TMEM132C: variants seen among roughly 807,000 people sequenced by gnomAD.
TMEM132C encodes transmembrane protein 132C, also known as protein phosphatase 1, regulatory subunit 152.
Under a neutral mutation model 61.4 loss-of-function variants are expected in TMEM132C, and 29 were observed. That is an observed-to-expected ratio of 0.47 (90% CI 0.35 to 0.64). The LOEUF (loss-of-function observed/expected upper bound fraction) is 0.64. Ranked by LOEUF, TMEM132C falls within the 30% of genes least tolerant of loss-of-function variation. The pLI is 0.00. For synonymous variants in TMEM132C, 656 were observed against 633.1 expected (o/e 1.04, Z -0.54); for missense variants, 1,408 against 1,476.9 (o/e 0.95, Z 0.76).
chr12:128,305,090 C>T (rs954390497), intron 1 of TMEM132C, among the ~76,000 whole-genome samples: 4 of 151,840 alleles, frequency 2.6e-5, no homozygotes, highest in East Asian at 3.9e-4. Context: ...AAAAGCGTTG[C>T]GTATTAGGCT....
At chr12:128,604,614 T>TA (rs563959042) in intron 3 of TMEM132C, among the ~76,000 whole-genome samples, 2 of 151,240 alleles carry the variant, frequency 1.3e-5, no homozygotes, top group Non-Finnish European at 2.9e-5. Flanking sequence ...GCTAGATAGA[T>TA]AAAAAATGGA....
At chr12:128,621,577 C>T (rs748565193) in intron 4 of TMEM132C, among the ~76,000 whole-genome samples, 11 of 152,198 alleles carry the variant, frequency 7.2e-5, no homozygotes, top group South Asian at 2.1e-4. Flanking sequence ...ACCTTGATTT[C>T]GGACTTTCAG....
At chr12:128,487,253 C>T (rs1007877380) in intron 2 of TMEM132C, among the ~76,000 whole-genome samples, 2 of 152,202 alleles carry the variant, frequency 1.3e-5, no homozygotes, top group Non-Finnish European at 2.9e-5. Context: ...CACCCATCCT[C>T]CTTGTTCTAA....
chr12:128,507,011 C>T (rs1412833268), intron 2 of TMEM132C, among the ~76,000 whole-genome samples: 1 of 152,104 alleles, frequency 6.6e-6, no homozygotes, highest in Non-Finnish European at 1.5e-5. Context: ...GAAAAGGAAG[C>T]CCACAGAGAG....
intron 1 of TMEM132C, among the ~76,000 whole-genome samples, chr12:128,318,976 C>T (rs117105900): frequency 6.6e-6 from 1 of 152,336 alleles, no homozygotes; most frequent in East Asian, 1.9e-4. Flanking sequence ...TCCCCTAGAG[C>T]TTACGCATCT....
chr12:128,464,786 GAGAA>G (rs1183755987), intron 2 of TMEM132C, among the ~76,000 whole-genome samples: 2 of 119,748 alleles, frequency 1.7e-5, no homozygotes, highest in African/African-American at 7.1e-5. Flanking sequence ...GAAAGAAAGA[GAGAA>G]AGAGAGGGAG....
intron 1 of TMEM132C, among the ~76,000 whole-genome samples, chr12:128,269,387 AT>A (rs1870434518): frequency 1.7e-5 from 1 of 58,696 alleles, no homozygotes; most frequent in Non-Finnish European, 3.1e-5. Context: ...TATCCAGAGG[AT>A]TTTACTTTTG....
Position 128,326,697 on chromosome 12 carries a change from G to A in TMEM132C, c.85+59210G>A, listed in dbSNP as rs147071018. ...AAGCAGGATCTCTATTAGCCTTTGT[G>A]CCCCTAAGACGGAGCAGGCTGGAAG... On this transcript the variant is annotated intron_variant, in intron 1 of 8. Transcript: ENST00000435159. The surrounding 1 kb of genome is among the most constrained non-coding windows in gnomAD (Gnocchi z 5.6). 1.3e-3 allele frequency among the ~76,000 whole-genome samples: 192 copies of A among 152,304 alleles called. 1 individual carries two copies. The highest frequency in any genetic ancestry group is 1.9e-3 in the Non-Finnish European group (130 of 68,026).
chr12:128,304,296 G>A (rs1041015077), intron 1 of TMEM132C, among the ~76,000 whole-genome samples: 1 of 152,098 alleles, frequency 6.6e-6, no homozygotes, highest in Non-Finnish European at 1.5e-5. Context: ...ATGTGTGTGT[G>A]CGTGTAAGTG....
chr12:128,461,936 C>G (rs1266582669), intron 2 of TMEM132C, among the ~76,000 whole-genome samples: 5 of 152,194 alleles, frequency 3.3e-5, no homozygotes, highest in Non-Finnish European at 5.9e-5. Flanking sequence ...ACACCTCATT[C>G]TAACCGCAAA....
chr12:128,367,052 A>G (rs577864583), intron 1 of TMEM132C, among the ~76,000 whole-genome samples: 6 of 152,338 alleles, frequency 3.9e-5, no homozygotes, highest in African/African-American at 1.2e-4. Flanking sequence ...GAATGAAAAG[A>G]TGGAACCAGA....
chr12:128,600,525 T>C (rs1565987203), intron 3 of TMEM132C, among the ~76,000 whole-genome samples: 1 of 152,200 alleles, frequency 6.6e-6, no homozygotes. Context: ...GCAGCGAGAA[T>C]TGGATGGCTT....
intron 5 of TMEM132C, among the ~76,000 whole-genome samples, chr12:128,671,510 C>T (rs1761739897): frequency 1.3e-5 from 2 of 152,156 alleles, no homozygotes; most frequent in African/African-American, 4.8e-5. Context: ...TTGTTTCCCT[C>T]AAATCAAGTC....
intron 2 of TMEM132C, among the ~76,000 whole-genome samples, chr12:128,425,534 G>T (rs2136031580): frequency 6.6e-6 from 1 of 152,348 alleles, no homozygotes; most frequent in South Asian, 2.1e-4. Context: ...CAAAGCAGAA[G>T]GATGCATTAG....
At chr12:128,472,453 TTAG>T (rs777222804) in intron 2 of TMEM132C, among the ~76,000 whole-genome samples, 2 of 152,154 alleles carry the variant, frequency 1.3e-5, no homozygotes, top group Non-Finnish European at 2.9e-5. Context: ...CCAGGGAGCC[TTAG>T]TAGGCCATTA....
chr12:128,554,157 GA>G (rs1362983487), intron 3 of TMEM132C, among the ~76,000 whole-genome samples: 1 of 152,234 alleles, frequency 6.6e-6, no homozygotes, highest in Non-Finnish European at 1.5e-5. Flanking sequence ...GTAATTGTAG[GA>G]CTGAATGCTG....
chr12:128,531,056 G>C (rs931103204), intron 2 of TMEM132C, among the ~76,000 whole-genome samples: 23 of 152,298 alleles, frequency 1.5e-4, no homozygotes, highest in African/African-American at 5.5e-4. Flanking sequence ...GTGGAATTGG[G>C]AGTTCTTGGG....
At chr12:128,702,399 CATT>C (rs1405012150) in intron 8 of TMEM132C, among the ~76,000 whole-genome samples, 1 of 151,328 alleles carries the variant, frequency 6.6e-6, no homozygotes, top group Non-Finnish European at 1.5e-5. Flanking sequence ...TCATAAATAA[CATT>C]ATTTATTGTT....
chr12:128,639,058 G>GTGA (rs149350713), intron 4 of TMEM132C, among the ~76,000 whole-genome samples: 10,586 of 91,362 alleles, frequency 0.12, 1,185 homozygotes, highest in African/African-American at 0.19. Context: ...AATGACAATG[G>GTGA]TGATGATGAT....
Sources: allele counts gnomAD v4.1 joint callset (sites outside exome capture counted in the v4.1 genomes callset), GRCh38; gene constraint gnomAD v4.1.1; non-coding constraint Gnocchi (gnomAD v3.1); transcripts MANE v1.5; gene names NCBI Gene and HGNC (gene_info 2026-07-23, HGNC 2026-07-21).